The following PRTG variants were observed in gnomAD, a reference collection of about 807,000 sequenced individuals.
The protein encoded by PRTG is immunoglobulin superfamily, DCC subclass, member 5.
In PRTG, 67 loss-of-function variants were observed where a neutral mutation model predicts 122.5. That is an observed-to-expected ratio of 0.55 (90% CI 0.45 to 0.67). The LOEUF (loss-of-function observed/expected upper bound fraction) is 0.67, where lower values mean the gene tolerates loss of function less well. Among genes scored for constraint, PRTG ranks in the 30% least tolerant of loss-of-function variants. The pLI is 0.00. For synonymous variants in PRTG, 554 were observed against 501.1 expected, an observed-to-expected ratio of 1.11 and a Z score of -1.41; for missense variants, 1,435 against 1,415.4, an observed-to-expected ratio of 1.01 and a Z score of -0.22.
In PRTG at chr15:55,628,926, A is replaced by G; in HGVS notation, c.2702T>C (p.Val901Ala). The part of the protein sequence containing the change: ...YIVKISASNE[V>A]GEGPFSNSVE... The stretch of plus-strand genomic sequence containing the variant: ...AGAATTTGAAAAGGGTCCTTCTCCC[A>G]CCTCATTGGATGCAGATATCTTGAC... Residue 901 changes from valine (V) to alanine (A), a missense_variant, in exon 16 of 20, where the codon GTG (valine) becomes GCG (alanine). Val to Ala is a moderately conservative substitution (Grantham distance 64). Coordinates refer to ENST00000389286, the MANE Select transcript of PRTG (RefSeq NM_173814.6). 1.9e-6 allele frequency: 3 copies of G among 1,613,996 alleles called. No homozygotes were observed. Among genetic ancestry groups the G allele is most frequent in the Non-Finnish European group, 8.5e-7 (1 of 1,179,942 alleles).
Position 55,613,300 on chromosome 15 carries a change from G to A in PRTG, c.*6712C>T, listed in dbSNP as rs1210995188. 1 of 152,008 alleles carries A rather than the reference G, an allele frequency of 6.6e-6. No homozygotes were observed. Among genetic ancestry groups the A allele is most frequent in the East Asian group, 1.9e-4 (1 of 5,196 alleles). 9.4% of individuals were successfully genotyped at this position (152,008 alleles called of 1,614,324 possible). A position where few individuals can be genotyped will look rare whatever the true frequency, so the allele number is the denominator to read the frequency against. ...TTCATAAAAAATCATGAACTCTTCA[G>A]ACCTAACAAGAAAGGATTACTGTTT... On this transcript the variant is annotated 3_prime_UTR_variant, in exon 20 of 20. Coordinates refer to ENST00000389286, the MANE Select transcript of PRTG (RefSeq NM_173814.6).
intron 11 of PRTG, among the ~76,000 whole-genome samples, chr15:55,671,822 C>T (rs896606850): frequency 7.2e-5 from 11 of 152,128 alleles, no homozygotes; most frequent in Admixed American, 3.3e-4. Flanking sequence ...TTTGGATATA[C>T]ATTACTTTCT....
chr15:55,718,749 CT>C lies in PRTG; in HGVS notation c.397+21632del, dbSNP rs1350560498. ...GCCTCTTAAGGTTCAAATTACTTTTCTTTTTTTTTTGGAGACAGAGTCTTTC... is the reference window on the plus strand; with the variant it reads ...GCCTCTTAAGGTTCAAATTACTTTTCTTTTTTTTTGGAGACAGAGTCTTTC... On this transcript the variant is annotated intron_variant, in intron 2 of 19. Coordinates refer to ENST00000389286, the MANE Select transcript of PRTG (RefSeq NM_173814.6). Among the ~76,000 whole-genome samples the C allele has an allele frequency of 8.2e-4, 121 of 147,174 alleles. 1 individual carries two copies. Among genetic ancestry groups the C allele is most frequent in the Middle Eastern group, 3.5e-3 (1 of 288 alleles).
intron 11 of PRTG, among the ~76,000 whole-genome samples, chr15:55,661,377 G>A (rs1490591881): frequency 6.6e-6 from 1 of 152,104 alleles, no homozygotes; most frequent in African/African-American, 2.4e-5. Flanking sequence ...AACAACAGCA[G>A]CAACACAGCC....
intron 15 of PRTG, 27 bp downstream of exon 15, chr15:55,637,143 C>T (rs1417691185): frequency 2.8e-6 from 4 of 1,435,002 alleles, no homozygotes; most frequent in Non-Finnish European, 3.7e-6. Context: ...GTACTTTTCA[C>T]CCTTCATGGC....
At chr15:55,649,536 G>A (rs1356354235) in intron 11 of PRTG, among the ~76,000 whole-genome samples, 1 of 152,136 alleles carries the variant, frequency 6.6e-6, no homozygotes, top group African/African-American at 2.4e-5. Context: ...TGTAATCCTA[G>A]CACTTTGGGG....
chr15:55,629,515 C>T (rs1002235046), intron 15 of PRTG, among the ~76,000 whole-genome samples: 6 of 151,144 alleles, frequency 4.0e-5, no homozygotes, highest in Admixed American at 6.6e-5. Flanking sequence ...AACATGCACA[C>T]GAAAATAATG....
chr15:55,709,219 T>TCAG (rs1175000090), intron 2 of PRTG, among the ~76,000 whole-genome samples: 1 of 95,358 alleles, frequency 1.0e-5, no homozygotes, highest in African/African-American at 3.2e-5. Flanking sequence ...TTTAGATAGT[T>TCAG]TAATTTCTTT....
intron 2 of PRTG, among the ~76,000 whole-genome samples, chr15:55,693,708 A>G (rs2059617460): frequency 6.6e-6 from 1 of 152,228 alleles, no homozygotes; most frequent in Non-Finnish European, 1.5e-5. Flanking sequence ...AAAAGGGGAT[A>G]TTAAAAATAC....
chr15:55,617,841 T>C lies in PRTG; in HGVS notation c.*2171A>G, dbSNP rs1292760936. The C allele has an allele frequency of 6.6e-6, 1 of 152,174 alleles. No homozygotes were observed. Among genetic ancestry groups the C allele is most frequent in the Non-Finnish European group, 1.5e-5 (1 of 68,026 alleles). The allele number at this position is 152,174 out of a possible 1,614,324, so 9.4% of individuals were successfully genotyped here. A position where few individuals can be genotyped will look rare whatever the true frequency, so the allele number is the denominator to read the frequency against. On this transcript the variant is annotated 3_prime_UTR_variant, in exon 20 of 20. Transcript: ENST00000389286. ...TTGCCTTTTAATGAAAGCTTAAAAA[T>C]AAAATGATCTCACTGTACTTAATTT...
chr15:55,648,731 A>C (rs2059337264), intron 11 of PRTG, among the ~76,000 whole-genome samples: 1 of 152,230 alleles, frequency 6.6e-6, no homozygotes, highest in Non-Finnish European at 1.5e-5. Context: ...AGTCCTGATG[A>C]AATAGCAGTA....
intron 18 of PRTG, among the ~76,000 whole-genome samples, chr15:55,623,843 T>C (rs1414741507): frequency 1.3e-5 from 2 of 152,210 alleles, no homozygotes; most frequent in Non-Finnish European, 2.9e-5. Context: ...TCTTCAGCCA[T>C]AAAACGAAGG....
chr15:55,634,821 G>C (rs561853558), intron 15 of PRTG, among the ~76,000 whole-genome samples: 84 of 151,866 alleles, frequency 5.5e-4, no homozygotes, highest in African/African-American at 1.9e-3. Context: ...CTGGGCAACA[G>C]AGCGAGACTC....
At chr15:55,717,539 T>C (rs2030644366) in intron 2 of PRTG, among the ~76,000 whole-genome samples, 1 of 152,240 alleles carries the variant, frequency 6.6e-6, no homozygotes, top group Non-Finnish European at 1.5e-5. Flanking sequence ...TGTGCTATGG[T>C]GCTGAAGAAA....
rs79244725 is a variant in PRTG at position 55,620,193 on chromosome 15, G to A, written c.3272C>T (p.Ser1091Phe). 3,230 of 1,614,152 alleles carry A rather than the reference G, an allele frequency of 2.0e-3. 2 individuals are homozygous for A. The highest frequency in any genetic ancestry group is 2.6e-3 in the Non-Finnish European group (3,048 of 1,180,024). ...GTTVLISDED[S>F]PSSPGQTTSF... ...GGTTGTCTGACCTGGGGAGCTAGGG[G>A]AGTCTTCATCACTGATTAATACAGT... The change falls in exon 20 of 20, where the codon TCC becomes TTC. Residue 1091 changes from serine (S) to phenylalanine (F), a missense_variant. By Grantham distance (155) the Ser-to-Phe change is radical. Coordinates refer to ENST00000389286, the MANE Select transcript of PRTG (RefSeq NM_173814.6).
At chr15:55,643,989 C>A (rs1567080879) in intron 11 of PRTG, among the ~76,000 whole-genome samples, 1 of 151,948 alleles carries the variant, frequency 6.6e-6, no homozygotes, top group Non-Finnish European at 1.5e-5. Flanking sequence ...CTTAGCCCCC[C>A]AAGTAGCTGG....
intron 15 of PRTG, among the ~76,000 whole-genome samples, chr15:55,634,063 CTTTTTTTT>C (rs10711487): frequency 1.4e-5 from 1 of 73,852 alleles, no homozygotes; most frequent in Non-Finnish European, 2.7e-5. Context: ...ATATACATTG[CTTTTTTTT>C]TTTTTTTTTT....
At chr15:55,656,427 TA>T in intron 11 of PRTG, 1 of 433,992 alleles carries the variant, frequency 2.3e-6, no homozygotes, top group Non-Finnish European at 4.5e-6. Context: ...TAAAGGAAAA[TA>T]AAAAATCTAT....
At position 55,680,063 on chromosome 15, in the gene PRTG, T is replaced by TTAAAGTTGCCATAGCAACTG. The variant is rs758741886; in HGVS notation, c.944_963dup (p.Thr322GlnfsTer7). 3.1e-6 allele frequency: 5 copies of TTAAAGTTGCCATAGCAACTG among 1,613,386 alleles called. No homozygotes were observed. Among genetic ancestry groups the TTAAAGTTGCCATAGCAACTG allele is most frequent in the Non-Finnish European group, 4.2e-6 (5 of 1,179,580 alleles). On this transcript the variant is annotated frameshift_variant, in exon 6 of 20. Transcript: ENST00000389286. LOFTEE classifies it high-confidence loss of function. ...AATGAAAGGAACATACCTAATACAGTTAAAGTTGCCATAGCAACTGTAAAG... is the reference window on the plus strand; with the variant it reads ...AATGAAAGGAACATACCTAATACAGTTAAAGTTGCCATAGCAACTGTAAAGTTGCCATAGCAACTGTAAAG...
Sources: allele counts gnomAD v4.1 joint callset (sites outside exome capture counted in the v4.1 genomes callset), GRCh38; gene constraint gnomAD v4.1.1; transcripts MANE v1.5; gene names NCBI Gene and HGNC (gene_info 2026-07-23, HGNC 2026-07-21).